The following NTNG2 variants were observed in gnomAD, a reference collection of about 807,000 sequenced individuals.
NTNG2 encodes the protein netrin G2.
Under a neutral mutation model 47.6 loss-of-function variants are expected in NTNG2, and 15 were observed. The observed-to-expected ratio is 0.32, with a 90% CI of 0.21 to 0.49. NTNG2 has a LOEUF of 0.49. NTNG2 is among the 20% of genes least tolerant of loss of function. The pLI, the probability that NTNG2 is intolerant of heterozygous loss-of-function variation, is 0.99. For missense variants in NTNG2, 578 were observed against 764.6 expected, an observed-to-expected ratio of 0.76 and a Z score of 2.88; for synonymous variants, 307 against 324.6, an observed-to-expected ratio of 0.95 and a Z score of 0.58.
At chr9:132,206,540 ACCTGTAAT>A (rs1278031906) in intron 3 of NTNG2, among the ~76,000 whole-genome samples, 2 of 152,122 alleles carry the variant, frequency 1.3e-5, no homozygotes, top group African/African-American at 4.8e-5. Flanking sequence ...GGTGGCGTGC[ACCTGTAAT>A]CCCAGCTACT....
rs928866986 is a variant in NTNG2, at chr9:132,221,868, T to C, written c.858-4981T>C. ...CTTCTTGGATTCGGCCGGTCTTCTA[T>C]GCATCTTTACTAAGCCAAGGTCAAT... On this transcript the variant is annotated intron_variant, in intron 3 of 7. Transcript: ENST00000393229. This position sits in a 1 kb window ranked among gnomAD's most constrained non-coding sequence, Gnocchi z 4.2. Among the ~76,000 whole-genome samples the C allele has an allele frequency of 1.3e-5, 2 of 152,248 alleles. No individual in the cohort carries two copies. The highest frequency in any genetic ancestry group is 2.4e-5 in the African/African-American group (1 of 41,466).
In NTNG2 at chr9:132,182,066, C is replaced by T. The variant is rs114607405; in HGVS notation, c.213+15022C>T. On this transcript the variant is annotated intron_variant, in intron 2 of 7. Transcript: ENST00000393229. This position sits in a 1 kb window ranked among gnomAD's most constrained non-coding sequence, Gnocchi z 4.2. ...CCGGCAGCCCAGAGAAGGGAGGGCC[C>T]GGAGGAGTGACGGTGTTCCCCACCC... Among the ~76,000 whole-genome samples the T allele has an allele frequency of 5.9e-3, 905 of 152,324 alleles. 12 individuals are homozygous for T. The highest frequency in any genetic ancestry group is 0.021 in the African/African-American group (863 of 41,562).
intron 2 of NTNG2, 109 bp downstream of exon 2, chr9:132,167,153 T>A: frequency 8.3e-7 from 1 of 1,205,050 alleles, no homozygotes; most frequent in South Asian, 1.4e-5. Context: ...CAAGGCTGAC[T>A]TTCCTGCCTC....
Position 132,172,115 on chromosome 9 carries a change from G to A in NTNG2, c.213+5071G>A, listed in dbSNP as rs571486918. On this transcript the variant is annotated intron_variant, in intron 2 of 7. Coordinates refer to ENST00000393229, the MANE Select transcript of NTNG2 (RefSeq NM_032536.4). ...GCCCCTCCCCATGAACTCTCCGGGC[G>A]CTCCAGCCTTGGCCCGTGCTGTCTC... Among the ~76,000 whole-genome samples the A allele has an allele frequency of 1.4e-3, 210 of 152,350 alleles. 1 individual carries two copies. The highest frequency in any genetic ancestry group is 6.9e-3 in the Admixed American group (105 of 15,310).
At position 132,194,918 on chromosome 9, in the gene NTNG2, G is replaced by T. The variant is rs375806871; in HGVS notation, c.214-3048G>T. ...GGGGCTGTGGCTCAGCCCCTCAGAA[G>T]GCGGTGGGCCCCATTTCCCCCATGG... On this transcript the variant is annotated intron_variant, in intron 2 of 7. Transcript: ENST00000393229. Among the ~76,000 whole-genome samples the T allele has an allele frequency of 1.9e-3, 288 of 152,352 alleles. 3 individuals carry two copies. Among genetic ancestry groups the T allele is most frequent in the African/African-American group, 6.5e-3 (272 of 41,586 alleles).
chr9:132,229,751 A>G (rs1211538466), intron 4 of NTNG2, among the ~76,000 whole-genome samples: 1 of 152,212 alleles, frequency 6.6e-6, no homozygotes, highest in Non-Finnish European at 1.5e-5. Context: ...TGGCTTGCCC[A>G]GGAGAAGCCC....
In NTNG2 at chr9:132,163,286, C is replaced by T. The variant is rs974689277; in HGVS notation, c.-484+1047C>T. Among the ~76,000 whole-genome samples the T allele has an allele frequency of 2.0e-5, 3 of 151,998 alleles. No homozygotes were observed. The highest frequency in any genetic ancestry group is 1.5e-5 in the Non-Finnish European group (1 of 67,924). ...GACTCGACCCTGGCCCCGGCCTCGA[C>T]CCCGCCCGCGGCCCGCCGGGACCCA... On this transcript the variant is annotated intron_variant, in intron 1 of 7. Coordinates refer to ENST00000393229, the MANE Select transcript of NTNG2 (RefSeq NM_032536.4). The surrounding 1 kb of genome is among the most constrained non-coding windows in gnomAD (Gnocchi z 7.2).
chr9:132,227,119 G>A, intron 4 of NTNG2, 98 bp downstream of exon 4: 1 of 1,291,776 alleles, frequency 7.7e-7, no homozygotes, highest in Non-Finnish European at 1.0e-6. Flanking sequence ...ACACAAACCT[G>A]CACACAGGCA....
At chr9:132,203,700 G>A (rs1372130439) in intron 3 of NTNG2, among the ~76,000 whole-genome samples, 3 of 152,238 alleles carry the variant, frequency 2.0e-5, no homozygotes, top group Admixed American at 6.5e-5. Context: ...TGCAGCCGTG[G>A]TAGCAGCTGC....
At chr9:132,166,183 C>G (rs1276277942) in intron 1 of NTNG2, 166 bp from the exon 2 acceptor site, 1 of 155,650 alleles carries the variant, frequency 6.4e-6, no homozygotes, top group African/African-American at 2.4e-5. Flanking sequence ...CAGTGAACAC[C>G]TCAGTAGCTT....
intron 7 of NTNG2, 95 bp from the exon 8 acceptor site, chr9:132,241,781 G>GC: frequency 1.1e-6 from 1 of 904,184 alleles, no homozygotes; most frequent in Non-Finnish European, 1.6e-6. Flanking sequence ...CCCAGACGGC[G>GC]CCCCCGGGAT....
Position 132,182,816 on chromosome 9 carries a change from C to A in NTNG2, c.214-15150C>A, listed in dbSNP as rs969519785. On this transcript the variant is annotated intron_variant, in intron 2 of 7. Coordinates refer to ENST00000393229, the MANE Select transcript of NTNG2 (RefSeq NM_032536.4). The surrounding 1 kb of genome is among the most constrained non-coding windows in gnomAD (Gnocchi z 4.2). Reference sequence around the variant, plus strand: ...CGGAGCGGGCAGGGACCAGGCTGCCCTCTAAGCCACTCGGCTGGCTCTCAG... The same window carrying A: ...CGGAGCGGGCAGGGACCAGGCTGCCATCTAAGCCACTCGGCTGGCTCTCAG... Among the ~76,000 whole-genome samples the A allele has an allele frequency of 4.6e-5, 7 of 152,224 alleles. No homozygotes were observed. The highest frequency in any genetic ancestry group is 1.0e-4 in the Non-Finnish European group (7 of 68,036).
chr9:132,230,495 C>G, intron 4 of NTNG2, 77 bp from the exon 5 acceptor site: 6 of 1,407,648 alleles, frequency 4.3e-6, no homozygotes, highest in African/African-American at 1.4e-5. Context: ...CCCTGCCCTG[C>G]TGGCCCCTCT....
rs117298742 is a variant in NTNG2 at position 132,224,982 on chromosome 9, G to A, written c.858-1867G>A. On this transcript the variant is annotated intron_variant, in intron 3 of 7. Coordinates refer to ENST00000393229, the MANE Select transcript of NTNG2 (RefSeq NM_032536.4). ...CTGTCTCCCAGGCTGGAGTGCAGTG[G>A]TGCAATGGCTCACTGCAACCTCTGC... Among the ~76,000 whole-genome samples, 1,036 of 152,078 alleles carry A rather than the reference G, an allele frequency of 6.8e-3. 4 individuals carry two copies. Among genetic ancestry groups the A allele is most frequent in the Non-Finnish European group, 0.01 (713 of 67,986 alleles).
intron 2 of NTNG2, among the ~76,000 whole-genome samples, chr9:132,183,753 G>A (rs972789741): frequency 3.9e-5 from 6 of 152,216 alleles, no homozygotes; most frequent in African/African-American, 7.2e-5. Flanking sequence ...GTGTCATCGT[G>A]TGGGGGCCCT....
intron 2 of NTNG2, among the ~76,000 whole-genome samples, chr9:132,190,918 T>C (rs1019435496): frequency 8.5e-5 from 13 of 152,142 alleles, no homozygotes; most frequent in African/African-American, 3.1e-4. Context: ...GCCTGACCTT[T>C]CAGGTGACTT....
At chr9:132,185,851 G>A (rs1404357678) in intron 2 of NTNG2, among the ~76,000 whole-genome samples, 4 of 148,740 alleles carry the variant, frequency 2.7e-5, no homozygotes, top group Non-Finnish European at 6.0e-5. Flanking sequence ...GGAGGAGGAG[G>A]AGGAGTGGGA....
chr9:132,166,848 C>T lies in NTNG2; in HGVS notation c.17C>T (p.Ala6Val), dbSNP rs778689084. The change falls in exon 2 of 8, where the codon GCG (alanine) becomes GTG (valine). Residue 6 changes from alanine (A) to valine (V), a missense_variant. Physicochemically the swap from Ala to Val is moderately conservative, Grantham distance 64. Coordinates refer to ENST00000393229, the MANE Select transcript of NTNG2 (RefSeq NM_032536.4). ...TGCGCAGCCATGCTGCATCTGCTGG[C>T]GCTCTTCCTGCACTGCCTCCCTCTG... is the stretch of plus-strand genomic sequence containing the variant. MLHLL[A>V]LFLHCLPLAS... 2.2e-5 allele frequency: 35 copies of T among 1,613,958 alleles called. No homozygotes were observed. The highest frequency in any genetic ancestry group is 3.3e-5 in the Admixed American group (2 of 60,014).
At chr9:132,179,476 G>T (rs1836760923) in intron 2 of NTNG2, among the ~76,000 whole-genome samples, 2 of 152,224 alleles carry the variant, frequency 1.3e-5, no homozygotes, top group Non-Finnish European at 2.9e-5. Context: ...CAGAAAGAGT[G>T]CTCTGTGCCA....
Sources: gnomAD v4.1 joint callset for allele counts (sites outside exome capture counted in the v4.1 genomes callset) on GRCh38, gnomAD v4.1.1 for gene constraint, Gnocchi (gnomAD v3.1) non-coding constraint, MANE v1.5 for transcripts, NCBI Gene and HGNC (gene_info 2026-07-23, HGNC 2026-07-21) for gene names.